CDH17: variants seen among roughly 807,000 people sequenced by gnomAD.
CDH17 encodes cadherin 17.
In CDH17, 67 loss-of-function variants were observed where a neutral mutation model predicts 86.3. The ratio of observed to expected loss-of-function variants is 0.78; its 90% CI spans 0.64 to 0.95. The LOEUF (loss-of-function observed/expected upper bound fraction) is 0.95, where lower values mean the gene tolerates loss of function less well. Ranked by LOEUF, CDH17 falls within the 40% of genes least tolerant of loss-of-function variation. The probability of loss-of-function intolerance (pLI) is 0.00; values close to 1 mark genes in which losing one functional copy is unlikely to be tolerated. For missense variants in CDH17, 993 were observed against 1,017.6 expected, an observed-to-expected ratio of 0.98 and a Z score of 0.33; for synonymous variants, 367 against 366.4, an observed-to-expected ratio of 1.00 and a Z score of -0.02.
At chr8:94,131,805 T>TGTAATG (rs1812426016) in intron 15 of CDH17, among the ~76,000 whole-genome samples, 1 of 152,164 alleles carries the variant, frequency 6.6e-6, no homozygotes, top group Non-Finnish European at 1.5e-5. Context: ...ATTAGGTATT[T>TGTAATG]CTCCTAATGC....
At chr8:94,199,061 ATATATATATATATATATATATATTT>A (rs574096643) in intron 1 of CDH17, among the ~76,000 whole-genome samples, 15,579 of 49,788 alleles carry the variant, frequency 0.31, 1,336 homozygotes, top group Middle Eastern at 0.44. Context: ...ATATATATAT[ATATATATATATATATATATATATTT>A]TTTTTTTTTT....
At chr8:94,156,381 T>C (rs1036564314) in intron 12 of CDH17, among the ~76,000 whole-genome samples, 4 of 151,982 alleles carry the variant, frequency 2.6e-5, no homozygotes, top group African/African-American at 9.7e-5. Context: ...GTGACAAAAT[T>C]TGCAAGTTAA....
chr8:94,144,618 T>C (rs1298178300), intron 15 of CDH17, among the ~76,000 whole-genome samples: 1 of 152,090 alleles, frequency 6.6e-6, no homozygotes, highest in Non-Finnish European at 1.5e-5. Context: ...ACCCTAAGTT[T>C]GGCAAAAATT....
rs145902107 is a variant in CDH17, at chr8:94,203,536, G to A, written c.-21+4947C>T. Among the ~76,000 whole-genome samples, 737 of 152,172 alleles carry A rather than the reference G, an allele frequency of 4.8e-3. 5 individuals are homozygous for A. Among genetic ancestry groups the A allele is most frequent in the Non-Finnish European group, 7.6e-3 (516 of 68,010 alleles). On this transcript the variant is annotated intron_variant, in intron 1 of 17. Coordinates refer to ENST00000027335, the MANE Select transcript of CDH17 (RefSeq NM_004063.4). ...GATATAAAGATCAGATGAAAATCTCGCCCAAACCATTTTTCATCGATTAAT... is the reference window on the plus strand; with the variant it reads ...GATATAAAGATCAGATGAAAATCTCACCCAAACCATTTTTCATCGATTAAT...
At chr8:94,170,267 TAC>T in intron 9 of CDH17, 128 bp downstream of exon 9, 1 of 919,348 alleles carries the variant, frequency 1.1e-6, no homozygotes, top group Non-Finnish European at 1.7e-6. Flanking sequence ...ACTCCCAAGG[TAC>T]AGTCAACCTC....
At chr8:94,173,226 T>C (rs1793247477) in intron 7 of CDH17, among the ~76,000 whole-genome samples, 1 of 152,144 alleles carries the variant, frequency 6.6e-6, no homozygotes. Context: ...AAATCTCATG[T>C]TGAAACGTAA....
At chr8:94,160,314 A>C (rs1182834826) in intron 11 of CDH17, 152 bp from the exon 12 acceptor site, 2 of 595,594 alleles carry the variant, frequency 3.4e-6, no homozygotes, top group Admixed American at 3.2e-5. Flanking sequence ...AATATATTGC[A>C]GTTGATTTTA....
intron 1 of CDH17, among the ~76,000 whole-genome samples, chr8:94,216,570 T>TG (rs1186517718): frequency 6.7e-6 from 1 of 150,316 alleles, no homozygotes; most frequent in Non-Finnish European, 1.5e-5. Flanking sequence ...TTTGTTTTTT[T>TG]TTTTTTTTTA....
chr8:94,192,840 T>C (rs1302656891), intron 2 of CDH17, among the ~76,000 whole-genome samples: 1 of 152,204 alleles, frequency 6.6e-6, no homozygotes, highest in Non-Finnish European at 1.5e-5. Flanking sequence ...CAATGCCGTA[T>C]TTGTGTTTCT....
chr8:94,188,814 G>A lies in CDH17; in HGVS notation c.150+373C>T, dbSNP rs551740248. The stretch of plus-strand genomic sequence containing the variant: ...TTCTAGCACTGACTCCAGAGAAGCC[G>A]TATCTTCCAGTACTTGAAGCAGCAA... On this transcript the variant is annotated intron_variant, in intron 3 of 17. Transcript: ENST00000027335. 2.0e-4 allele frequency among the ~76,000 whole-genome samples: 30 copies of A among 152,282 alleles called. 1 individual carries two copies. Among genetic ancestry groups the A allele is most frequent in the Admixed American group, 9.8e-4 (15 of 15,292 alleles).
intron 1 of CDH17, among the ~76,000 whole-genome samples, chr8:94,204,286 A>AT: frequency 6.6e-6 from 1 of 152,078 alleles, no homozygotes; most frequent in South Asian, 2.1e-4. Context: ...ATTTGTCCTA[A>AT]TACTCTCCCT....
intron 15 of CDH17, among the ~76,000 whole-genome samples, chr8:94,141,194 CA>C (rs1225582209): frequency 1.3e-5 from 2 of 150,950 alleles, no homozygotes; most frequent in Non-Finnish European, 3.0e-5. Context: ...TTAATAGGCC[CA>C]AAAAATCAAA....
chr8:94,144,253 A>G (rs1321685850), intron 15 of CDH17, among the ~76,000 whole-genome samples: 1 of 152,234 alleles, frequency 6.6e-6, no homozygotes. Context: ...TCGCACTGAC[A>G]GATTAAGTTT....
chr8:94,130,797 C>G (rs1812397784), intron 16 of CDH17, 58 bp from the exon 17 acceptor site: 3 of 1,522,810 alleles, frequency 2.0e-6, no homozygotes, highest in Non-Finnish European at 2.7e-6. Flanking sequence ...TTGCAGAATC[C>G]CATATCAAAG....
upstream of CDH17, among the ~76,000 whole-genome samples, chr8:94,210,599 C>T (rs1351790041): frequency 1.3e-5 from 2 of 152,164 alleles, no homozygotes; most frequent in Admixed American, 1.3e-4. Context: ...ATTTTAGGAA[C>T]TCATTTTCAT....
At chr8:94,174,800 G>A (rs12545326) in intron 5 of CDH17, among the ~76,000 whole-genome samples, 84,827 of 152,010 alleles carry the variant, frequency 0.56, 24,938 homozygotes, top group African/African-American at 0.74. Flanking sequence ...GAATCCAAGC[G>A]TTTTCTATTA....
At chr8:94,185,734 A>T (rs1813566433) in intron 3 of CDH17, among the ~76,000 whole-genome samples, 1 of 152,196 alleles carries the variant, frequency 6.6e-6, no homozygotes, top group Admixed American at 6.5e-5. Context: ...TACATCAGTG[A>T]ATTTTATATA....
intron 10 of CDH17, among the ~76,000 whole-genome samples, chr8:94,163,950 CTG>C (rs1439962616): frequency 6.6e-6 from 1 of 152,172 alleles, no homozygotes; most frequent in Non-Finnish European, 1.5e-5. Flanking sequence ...TTATGTAAAA[CTG>C]TGTTAATTAT....
At chr8:94,151,601 C>T (rs981877940) in intron 13 of CDH17, among the ~76,000 whole-genome samples, 1 of 152,252 alleles carries the variant, frequency 6.6e-6, no homozygotes, top group Non-Finnish European at 1.5e-5. Context: ...CCTGAACCAT[C>T]CAGCTCTCAG....
Sources: allele counts gnomAD v4.1 joint callset (sites outside exome capture counted in the v4.1 genomes callset), GRCh38; gene constraint gnomAD v4.1.1; transcripts MANE v1.5; gene names NCBI Gene and HGNC (gene_info 2026-07-23, HGNC 2026-07-21).